The following NUP214 variants were observed in gnomAD, a reference collection of about 807,000 sequenced individuals.
NUP214 encodes nuclear pore complex protein Nup214.
A neutral mutation model predicts 196.2 loss-of-function variants in NUP214; 79 were observed. The ratio of observed to expected loss-of-function variants is 0.40; its 90% CI spans 0.34 to 0.49. The LOEUF is 0.49. Ranked by LOEUF, NUP214 falls within the 20% of genes least tolerant of loss-of-function variation. The pLI is 0.58. For missense variants in NUP214, 2,468 were observed against 2,539.0 expected, an observed-to-expected ratio of 0.97 and a Z score of 0.60; for synonymous variants, 1,020 against 990.5, an observed-to-expected ratio of 1.03 and a Z score of -0.56.
Position 131,230,660 on chromosome 9 carries a change from C to T in NUP214, c.6105C>T (p.Phe2035=), listed in dbSNP as rs768030823. The change falls in exon 34 of 36, where the codon TTC becomes TTT. Residue 2035 remains phenylalanine (F), a synonymous_variant. Coordinates refer to ENST00000359428, the MANE Select transcript of NUP214 (RefSeq NM_005085.4). Reference sequence around the variant, plus strand: ...GGAGCAGCAGCAACACCACATCCTTCGGCACGCTCGCGAGTCAGAATGCCC... The same window carrying T: ...GGAGCAGCAGCAACACCACATCCTTTGGCACGCTCGCGAGTCAGAATGCCC... ...GFGSSSNTTS[F]GTLASQNAPT... is the part of the protein sequence containing the mutation. 1.1e-4 allele frequency: 181 copies of T among 1,613,996 alleles called. No individual in the cohort carries two copies. The highest frequency in any genetic ancestry group is 1.4e-4 in the Non-Finnish European group (164 of 1,180,016).
At chr9:131,162,068 C>T (rs1832655789) in intron 18 of NUP214, among the ~76,000 whole-genome samples, 1 of 152,256 alleles carries the variant, frequency 6.6e-6, no homozygotes. Flanking sequence ...TGGCCCAAGA[C>T]AATTCTTCCT....
chr9:131,130,957 C>T lies in NUP214; in HGVS notation c.663+121C>T, dbSNP rs932751085. ...TAATTTATACTCATTGTAACAAATC[C>T]ATCAGTGAATGAAGAGTGGAACTCT... On this transcript the variant is annotated intron_variant, in intron 5 of 35. Transcript: ENST00000359428. 1.1e-5 allele frequency: 8 copies of T among 719,564 alleles called. No homozygotes were observed. The African/African-American group carries it at 1.4e-4, about 13-fold the overall frequency. The allele number at this position is 719,564 out of a possible 1,614,324, so 44.6% of individuals were successfully genotyped here.
At chr9:131,133,302 G>GT in intron 7 of NUP214, 93 bp downstream of exon 7, 111 of 500,158 alleles carry the variant, frequency 2.2e-4, no homozygotes, top group Middle Eastern at 5.5e-4. Flanking sequence ...TTTTGTGTTT[G>GT]TGTTTTTTTT....
intron 21 of NUP214, chr9:131,164,467 G>C (rs1215925817): frequency 4.0e-6 from 1 of 247,868 alleles, no homozygotes; most frequent in East Asian, 8.0e-5. Context: ...CTGGATCCTA[G>C]CCTCTGCTTT....
rs376855517 is a variant in NUP214, at chr9:131,197,645, C to T, written c.4151C>T (p.Thr1384Met). 7.4e-6 allele frequency: 12 copies of T among 1,614,056 alleles called. No individual in the cohort carries two copies. Among genetic ancestry groups the T allele is most frequent in the African/African-American group, 1.3e-5 (1 of 74,936 alleles). ...GCCCCCCCGGTGTTAGGGAAGCACA[C>T]GGAGCCCCCTGTGACATCCTCTGCA... ...FTAPPVLGKH[T>M]EPPVTSSATT... is the part of the protein sequence containing the mutation. Residue 1384 changes from threonine to methionine, a missense_variant, in exon 29 of 36, where the codon ACG becomes ATG. Around this residue, in one of 5 missense-constraint regions of NUP214, gnomAD observed 1,801 missense variants for 1,779.4 expected, o/e 1.01. Transcript: ENST00000359428.
In NUP214 at chr9:131,187,149, A is replaced by G. The variant is rs1833471286; in HGVS notation, c.3420-140A>G. 6.3e-6 allele frequency: 4 copies of G among 636,126 alleles called. No individual in the cohort carries two copies. The South Asian group carries it at 8.7e-5, about 14-fold the overall frequency. 39.4% of individuals were successfully genotyped at this position (636,126 alleles called of 1,614,324 possible). ...ATTTATCCTTCAAAAAAAATGTCAA[A>G]TCAGTTGTATTGGGGTCCCATGCAT... On this transcript the variant is annotated intron_variant, in intron 24 of 35. Coordinates refer to ENST00000359428, the MANE Select transcript of NUP214 (RefSeq NM_005085.4).
At chr9:131,200,972 C>T (rs1833923340) in intron 29 of NUP214, among the ~76,000 whole-genome samples, 1 of 151,436 alleles carries the variant, frequency 6.6e-6, no homozygotes, top group African/African-American at 2.4e-5. Context: ...ATAAACTATT[C>T]TTAGCCCCCA....
chr9:131,172,826 A>G (rs369198496), intron 21 of NUP214, among the ~76,000 whole-genome samples: 1 of 152,204 alleles, frequency 6.6e-6, no homozygotes, highest in Non-Finnish European at 1.5e-5. Context: ...CCATGTGCAC[A>G]TGGGACACAA....
intron 31 of NUP214, among the ~76,000 whole-genome samples, chr9:131,221,692 G>A (rs1245313502): frequency 6.6e-6 from 1 of 152,184 alleles, no homozygotes; most frequent in African/African-American, 2.4e-5. Context: ...ATTACCCAGA[G>A]CATATGCTGT....
chr9:131,166,863 A>G (rs1025022656), intron 21 of NUP214, among the ~76,000 whole-genome samples: 1 of 152,028 alleles, frequency 6.6e-6, no homozygotes, highest in Non-Finnish European at 1.5e-5. Flanking sequence ...CCCCTCACCC[A>G]TATGTTTACT....
intron 21 of NUP214, among the ~76,000 whole-genome samples, chr9:131,172,610 A>G (rs952483322): frequency 2.0e-5 from 3 of 152,232 alleles, no homozygotes; most frequent in Non-Finnish European, 4.4e-5. Flanking sequence ...GCTACTAGCC[A>G]CATGTGGCTG....
At position 131,232,616 on chromosome 9, in the gene NUP214, G is replaced by T. The variant is rs1283037579; in HGVS notation, c.6239+308G>T. 2 of 489,066 alleles carry T rather than the reference G, an allele frequency of 4.1e-6. No homozygotes were observed. The highest frequency in any genetic ancestry group is 7.5e-6 in the Non-Finnish European group (2 of 268,402). 30.3% of individuals were successfully genotyped at this position (489,066 alleles called of 1,614,324 possible). On this transcript the variant is annotated intron_variant, in intron 35 of 35. Coordinates refer to ENST00000359428, the MANE Select transcript of NUP214 (RefSeq NM_005085.4). The surrounding 1 kb of genome is among the most constrained non-coding windows in gnomAD (Gnocchi z 5.1). ...GATGCTGCTCCTGACTTCCCTGGAGGTTTCTCAGAAGCTGCATGCTAACCC... is the reference window on the plus strand; with the variant it reads ...GATGCTGCTCCTGACTTCCCTGGAGTTTTCTCAGAAGCTGCATGCTAACCC...
intron 30 of NUP214, among the ~76,000 whole-genome samples, chr9:131,211,492 T>C (rs2131073091): frequency 1.3e-5 from 2 of 152,298 alleles, no homozygotes; most frequent in Non-Finnish European, 2.9e-5. Context: ...TTTCCCATGA[T>C]CTGGTTTCTG....
Position 131,139,382 on chromosome 9 carries a change from T to C in NUP214, c.1107T>C (p.Tyr369=), listed in dbSNP as rs1192540462. The change falls in exon 10 of 36, where the codon TAT becomes TAC. Residue 369 remains tyrosine, a synonymous_variant. Coordinates refer to ENST00000359428, the MANE Select transcript of NUP214 (RefSeq NM_005085.4). ...TGCCCATGGGAGTTGTCGTAGACTA[T>C]ACAAACCAAGTGGAAATCACCATCA... ...DSLPMGVVVD[Y]TNQVEITISD... The C allele has an allele frequency of 2.5e-6, 4 of 1,603,180 alleles. No homozygotes were observed. The highest frequency in any genetic ancestry group is 3.4e-6 in the Non-Finnish European group (4 of 1,174,936).
At chr9:131,133,007 T>G in intron 6 of NUP214, 99 bp from the exon 7 acceptor site, 4 of 910,464 alleles carry the variant, frequency 4.4e-6, no homozygotes, top group Non-Finnish European at 7.1e-6. Flanking sequence ...GCCTTTGATT[T>G]TTTTTTTATC....
chr9:131,206,296 C>T (rs1834085219), intron 30 of NUP214, among the ~76,000 whole-genome samples: 1 of 151,548 alleles, frequency 6.6e-6, no homozygotes, highest in South Asian at 2.1e-4. Context: ...CAGGTGCACA[C>T]ACTGTGCCTG....
At chr9:131,126,215 G>A (rs1831344412) in intron 1 of NUP214, 1 of 167,278 alleles carries the variant, frequency 6.0e-6, no homozygotes, top group African/African-American at 2.4e-5. Context: ...CTTGCCTAAC[G>A]TAGAGTCAGG....
rs1247398016 is a variant in NUP214, at chr9:131,210,637, AC to A, written c.5593-4574del. ...GCGAGACTCCATCTCAAAAAAAAAA[AC>A]AAAAACGCAAGTCGTTATCTGTATT... On this transcript the variant is annotated intron_variant, in intron 30 of 35. Transcript: ENST00000359428. Among the ~76,000 whole-genome samples, 326 of 152,146 alleles carry A rather than the reference AC, an allele frequency of 2.1e-3. 4 individuals carry two copies. Among genetic ancestry groups the A allele is most frequent in the African/African-American group, 7.4e-3 (308 of 41,452 alleles).
chr9:131,198,827 C>T lies in NUP214; in HGVS notation c.5333C>T (p.Thr1778Ile). 1 of 1,614,232 alleles carries T rather than the reference C, an allele frequency of 6.2e-7. No individual in the cohort carries two copies. Among genetic ancestry groups the T allele is most frequent in the Non-Finnish European group, 8.5e-7 (1 of 1,180,044 alleles). The change falls in exon 29 of 36, where the codon ACC becomes ATC. Residue 1778 changes from threonine (T) to isoleucine (I), a missense_variant. Transcript: ENST00000359428. ...AGTGTCTTTGGTGCCGCCTCAAGTA[C>T]CAGTAGCTCCAGTTCCTTCTCATTT... ...SGSVFGAASS[T>I]SSSSSFSFGQ... is the part of the protein sequence containing the mutation.
Sources: allele counts gnomAD v4.1 joint callset (sites outside exome capture counted in the v4.1 genomes callset), GRCh38; gene constraint gnomAD v4.1.1; regional missense constraint gnomAD v4.1.1; non-coding constraint Gnocchi (gnomAD v3.1); transcripts MANE v1.5; gene names NCBI Gene and HGNC (gene_info 2026-07-23, HGNC 2026-07-21).